The following PPFIA2 variants were observed in gnomAD, a reference collection of about 807,000 sequenced individuals.
PPFIA2 encodes PPFI scaffold protein A2, also known as liprin-alpha-2.
In PPFIA2, 46 loss-of-function variants were observed where a neutral mutation model predicts 175.5. That is an observed-to-expected ratio of 0.26 (90% CI 0.21 to 0.34). The LOEUF (loss-of-function observed/expected upper bound fraction) is 0.34. Ranked by LOEUF, PPFIA2 falls within the 10% of genes least tolerant of loss-of-function variation. The pLI, the probability that PPFIA2 is intolerant of heterozygous loss-of-function variation, is 1.00. For missense variants in PPFIA2, 1,179 were observed against 1,506.1 expected (o/e 0.78, Z 3.60); for synonymous variants, 568 against 511.4 (o/e 1.11, Z -1.49).
chr12:81,530,666 G>C (rs1267083552), intron 4 of PPFIA2, among the ~76,000 whole-genome samples: 1 of 151,650 alleles, frequency 6.6e-6, no homozygotes, highest in Non-Finnish European at 1.5e-5. Flanking sequence ...CAGCACATCA[G>C]CTGAAGAGGG....
At chr12:81,576,792 TA>T (rs2073633600) in intron 4 of PPFIA2, among the ~76,000 whole-genome samples, 1 of 151,866 alleles carries the variant, frequency 6.6e-6, no homozygotes, top group Admixed American at 6.6e-5. Context: ...GAAAGCATTT[TA>T]AAACAAGTTA....
At chr12:81,615,778 T>C (rs887464654) in intron 4 of PPFIA2, among the ~76,000 whole-genome samples, 3 of 152,064 alleles carry the variant, frequency 2.0e-5, no homozygotes, top group African/African-American at 7.2e-5. Context: ...TAGCACATTG[T>C]TTCAAAGGGA....
chr12:81,706,496 T>C (rs961580003), intron 3 of PPFIA2, among the ~76,000 whole-genome samples: 1 of 152,248 alleles, frequency 6.6e-6, no homozygotes, highest in African/African-American at 2.4e-5. Context: ...CATATATTTT[T>C]TATTTATGTA....
intron 4 of PPFIA2, among the ~76,000 whole-genome samples, chr12:81,552,346 T>C (rs997756921): frequency 1.3e-5 from 2 of 151,520 alleles, no homozygotes; most frequent in African/African-American, 4.8e-5. Context: ...AAGTGTAAAC[T>C]GCACTGTGTA....
In PPFIA2 at chr12:81,758,473, G is replaced by A; in HGVS notation, c.-76C>T. On this transcript the variant is annotated 5_prime_UTR_variant, in exon 2 of 33. Transcript: ENST00000549396. ...ACCGCAGTCTCCGGCTTGAGGAGAAGGGAGGCTCACACCCAGCACTCCTGG... is the reference window on the plus strand; with the variant it reads ...ACCGCAGTCTCCGGCTTGAGGAGAAAGGAGGCTCACACCCAGCACTCCTGG... 1 of 456,522 alleles carries A rather than the reference G, an allele frequency of 2.2e-6. No individual in the cohort carries two copies. Among genetic ancestry groups the A allele is most frequent in the South Asian group, 1.5e-5 (1 of 64,558 alleles). 28.3% of individuals were successfully genotyped at this position (456,522 alleles called of 1,614,324 possible).
chr12:81,674,759 T>A (rs2072140511), intron 4 of PPFIA2, among the ~76,000 whole-genome samples: 1 of 152,056 alleles, frequency 6.6e-6, no homozygotes, highest in Non-Finnish European at 1.5e-5. Context: ...GACTTTCAGT[T>A]TTCTAACTTG....
intron 16 of PPFIA2, among the ~76,000 whole-genome samples, chr12:81,357,070 A>C (rs35436851): frequency 0.013 from 2,037 of 152,262 alleles, 29 homozygotes; most frequent in Non-Finnish European, 0.02. Context: ...TTTTGTGATC[A>C]TATAAAATGA....
intron 23 of PPFIA2, 21 bp from the exon 24 acceptor site, chr12:81,295,056 C>T: frequency 6.2e-7 from 1 of 1,601,004 alleles, no homozygotes; most frequent in Non-Finnish European, 8.5e-7. Context: ...GGAAAAAATA[C>T]ACTAACAAAT....
rs903717582 is a variant in PPFIA2, at chr12:81,295,144, C to T, written c.2725-109G>A. The T allele has an allele frequency of 8.2e-5, 79 of 962,320 alleles. 1 individual carries two copies. In the Admixed American group the frequency reaches 1.1e-3, roughly 13 times the overall value. 59.6% of individuals were successfully genotyped at this position (962,320 alleles called of 1,614,324 possible). ...ATCTTACATACATGACCTCACCCCA[C>T]GAGATAAAATGTTATCATTATTTTC... On this transcript the variant is annotated intron_variant, in intron 23 of 32. Transcript: ENST00000549396.
chr12:81,385,139 A>G (rs763069416), intron 8 of PPFIA2, among the ~76,000 whole-genome samples: 1 of 152,178 alleles, frequency 6.6e-6, no homozygotes, highest in Non-Finnish European at 1.5e-5. Flanking sequence ...GGAAAATGCA[A>G]ATTAAAACCA....
At chr12:81,438,259 G>T (rs554817731) in intron 7 of PPFIA2, among the ~76,000 whole-genome samples, 70 of 152,224 alleles carry the variant, frequency 4.6e-4, no homozygotes, top group Admixed American at 2.1e-3. Flanking sequence ...CACTAGGTTA[G>T]GAGTTCAAGA....
intron 3 of PPFIA2, among the ~76,000 whole-genome samples, chr12:81,680,425 A>G (rs1028598997): frequency 2.0e-5 from 3 of 152,006 alleles, no homozygotes; most frequent in Non-Finnish European, 4.4e-5. Context: ...TAAAACATAT[A>G]CATAGGACTC....
intron 4 of PPFIA2, among the ~76,000 whole-genome samples, chr12:81,574,214 T>C (rs2073088209): frequency 6.6e-6 from 1 of 151,908 alleles, no homozygotes; most frequent in Admixed American, 6.6e-5. Context: ...TGCCACTCCT[T>C]ACCATCTGTC....
At chr12:81,514,355 G>A (rs2062149134) in intron 4 of PPFIA2, among the ~76,000 whole-genome samples, 1 of 151,754 alleles carries the variant, frequency 6.6e-6, no homozygotes, top group Admixed American at 6.6e-5. Context: ...TCAGAATTAA[G>A]GTCTTCACTG....
chr12:81,406,535 C>T (rs777596263), intron 7 of PPFIA2, among the ~76,000 whole-genome samples: 4 of 152,032 alleles, frequency 2.6e-5, no homozygotes, highest in Non-Finnish European at 4.4e-5. Flanking sequence ...AAACTTTCAG[C>T]TCAATTTTAA....
chr12:81,718,103 T>G lies in PPFIA2; in HGVS notation c.249+35870A>C, dbSNP rs146193601. Reference sequence around the variant, plus strand: ...CATTAGAGAGATCTGGGCATAAAACTAACATCATCCACTACAGAAGGGTGA... The same window carrying G: ...CATTAGAGAGATCTGGGCATAAAACGAACATCATCCACTACAGAAGGGTGA... On this transcript the variant is annotated intron_variant, in intron 3 of 32. Transcript: ENST00000549396. Among the ~76,000 whole-genome samples the G allele has an allele frequency of 1.5e-3, 225 of 151,702 alleles. 1 individual carries two copies. The highest frequency in any genetic ancestry group is 5.3e-3 in the African/African-American group (219 of 41,480).
chr12:81,334,903 C>T (rs1436947158), intron 21 of PPFIA2, among the ~76,000 whole-genome samples: 2 of 152,206 alleles, frequency 1.3e-5, no homozygotes, highest in Non-Finnish European at 2.9e-5. Flanking sequence ...ATTTCAGATA[C>T]ATTGCTTCTT....
intron 4 of PPFIA2, chr12:81,512,265 A>C (rs1375852088): frequency 7.9e-7 from 1 of 1,261,814 alleles, no homozygotes; most frequent in South Asian, 1.2e-5. Flanking sequence ...TAAACACCTC[A>C]TGCTGACACA....
At chr12:81,421,129 G>A (rs2046168032) in intron 7 of PPFIA2, among the ~76,000 whole-genome samples, 1 of 151,956 alleles carries the variant, frequency 6.6e-6, no homozygotes, top group Non-Finnish European at 1.5e-5. Context: ...AATTGAAGGA[G>A]TTTTTCAACT....
Sources: gnomAD v4.1 joint callset for allele counts (sites outside exome capture counted in the v4.1 genomes callset) on GRCh38, gnomAD v4.1.1 for gene constraint, MANE v1.5 for transcripts, NCBI Gene and HGNC (gene_info 2026-07-23, HGNC 2026-07-21) for gene names.